The following PARP8 variants were observed in gnomAD, a reference collection of about 807,000 sequenced individuals.
PARP8 encodes the protein poly(ADP-ribose) polymerase family member 8, also known as protein mono-ADP-ribosyltransferase PARP8.
A neutral mutation model predicts 124.1 loss-of-function variants in PARP8; 51 were observed. The observed-to-expected ratio is 0.41, with a 90% CI of 0.33 to 0.52. The LOEUF is 0.52. Among genes scored for constraint, PARP8 ranks in the 20% least tolerant of loss-of-function variants. PARP8 has a pLI of 0.21. For missense variants in PARP8, 860 were observed against 1,018.9 expected, an observed-to-expected ratio of 0.84 and a Z score of 2.12; for synonymous variants, 391 against 361.5, an observed-to-expected ratio of 1.08 and a Z score of -0.93.
At chr5:50,683,764 CAG>C (rs1169793298) in intron 2 of PARP8, among the ~76,000 whole-genome samples, 3 of 151,952 alleles carry the variant, frequency 2.0e-5, no homozygotes, top group African/African-American at 7.3e-5. Flanking sequence ...TAATAGCAAA[CAG>C]AAATAAACTC....
chr5:50,845,913 A>T lies in PARP8; in HGVS notation c.*3845A>T, dbSNP rs973378223. 1 of 151,750 alleles carries T rather than the reference A, an allele frequency of 6.6e-6. No homozygotes were observed. The highest frequency in any genetic ancestry group is 1.5e-5 in the Non-Finnish European group (1 of 67,792). 9.4% of individuals were successfully genotyped at this position (151,750 alleles called of 1,614,324 possible). A position where few individuals can be genotyped will look rare whatever the true frequency, so the allele number is the denominator to read the frequency against. On this transcript the variant is annotated 3_prime_UTR_variant, in exon 26 of 26. Coordinates refer to ENST00000281631, the MANE Select transcript of PARP8 (RefSeq NM_024615.4). Reference sequence around the variant, plus strand: ...GTCCGATTATATATAGATTTGATGTATATTATTACCCAGTAAATTCTTCTT... The same window carrying T: ...GTCCGATTATATATAGATTTGATGTTTATTATTACCCAGTAAATTCTTCTT...
At chr5:50,841,318 A>C (rs56187641) in intron 25 of PARP8, among the ~76,000 whole-genome samples, 1 of 151,766 alleles carries the variant, frequency 6.6e-6, no homozygotes, top group Non-Finnish European at 1.5e-5. Context: ...AAATGTAACT[A>C]TTTCTTTTTA....
chr5:50,782,922 A>C (rs1297479507), intron 9 of PARP8, among the ~76,000 whole-genome samples: 1 of 152,210 alleles, frequency 6.6e-6, no homozygotes, highest in Non-Finnish European at 1.5e-5. Flanking sequence ...AGATGACCGC[A>C]AGAGATCACT....
rs1561342979 is a variant in PARP8 at position 50,761,810 on chromosome 5, A to C, written c.346-11A>C. The C allele has an allele frequency of 6.6e-7, 1 of 1,524,760 alleles. No homozygotes were observed. Among genetic ancestry groups the C allele is most frequent in the Admixed American group, 2.0e-5 (1 of 50,590 alleles). The allele number at this position is 1,524,760 out of a possible 1,614,324, so 94.5% of individuals were successfully genotyped here. Reference sequence around the variant, plus strand: ...GACCATTAAATTGTTTTCTTACTTTATTATTTTAAGGAATCAAGACAGAAT... The same window carrying C: ...GACCATTAAATTGTTTTCTTACTTTCTTATTTTAAGGAATCAAGACAGAAT... On this transcript the variant is annotated splice_polypyrimidine_tract_variant and intron_variant, in intron 5 of 25. Transcript: ENST00000281631.
intron 9 of PARP8, among the ~76,000 whole-genome samples, chr5:50,787,661 G>T (rs1297147720): frequency 2.0e-5 from 3 of 151,984 alleles, no homozygotes; most frequent in African/African-American, 7.2e-5. Flanking sequence ...CATCTGAAAT[G>T]ACTGGAGCGA....
intron 2 of PARP8, among the ~76,000 whole-genome samples, chr5:50,701,748 A>G (rs939575945): frequency 4.6e-5 from 7 of 152,130 alleles, no homozygotes; most frequent in African/African-American, 1.7e-4. Flanking sequence ...ATCCTACAAA[A>G]ATCTTGCTTC....
intron 2 of PARP8, among the ~76,000 whole-genome samples, chr5:50,707,159 C>A (rs921995776): frequency 7.9e-5 from 12 of 152,004 alleles, no homozygotes; most frequent in African/African-American, 2.9e-4. Flanking sequence ...AAATCAGACG[C>A]TTGTCAGACA....
intron 14 of PARP8, among the ~76,000 whole-genome samples, chr5:50,811,293 G>A (rs1199555434): frequency 6.6e-6 from 1 of 151,914 alleles, no homozygotes; most frequent in Non-Finnish European, 1.5e-5. Context: ...ACAGACCAGG[G>A]TTGGGGGGCA....
intron 15 of PARP8, among the ~76,000 whole-genome samples, chr5:50,817,392 T>A (rs1745221774): frequency 6.6e-6 from 1 of 152,198 alleles, no homozygotes; most frequent in Non-Finnish European, 1.5e-5. Context: ...GGTTCCCCAG[T>A]ATTCTGTCAT....
intron 2 of PARP8, among the ~76,000 whole-genome samples, chr5:50,713,833 G>T (rs1475173235): frequency 6.6e-6 from 1 of 152,036 alleles, no homozygotes; most frequent in African/African-American, 2.4e-5. Flanking sequence ...TCAGAGATCT[G>T]AAGATGCTCT....
intron 2 of PARP8, among the ~76,000 whole-genome samples, chr5:50,694,916 A>G (rs1347064581): frequency 6.6e-6 from 1 of 152,124 alleles, no homozygotes; most frequent in Non-Finnish European, 1.5e-5. Flanking sequence ...TCGGAGTGTA[A>G]TGTTCTAGTC....
intron 25 of PARP8, among the ~76,000 whole-genome samples, chr5:50,836,980 A>C (rs1229089537): frequency 3.9e-5 from 6 of 152,054 alleles, no homozygotes; most frequent in Non-Finnish European, 8.8e-5. Flanking sequence ...ACAACCTTAG[A>C]TATTTAAATA....
intron 2 of PARP8, among the ~76,000 whole-genome samples, chr5:50,698,172 G>A (rs1385657747): frequency 6.6e-6 from 1 of 152,196 alleles, no homozygotes; most frequent in African/African-American, 2.4e-5. Flanking sequence ...GAATACACGA[G>A]TTAATAAATG....
At chr5:50,781,962 A>T (rs1740722326) in intron 9 of PARP8, among the ~76,000 whole-genome samples, 1 of 152,020 alleles carries the variant, frequency 6.6e-6, no homozygotes, top group African/African-American at 2.4e-5. Flanking sequence ...CGAATACATT[A>T]TTTGCCCCTT....
chr5:50,815,362 T>A, intron 14 of PARP8, 70 bp from the exon 15 acceptor site: 2 of 1,065,954 alleles, frequency 1.9e-6, no homozygotes, highest in Non-Finnish European at 2.7e-6. Flanking sequence ...TTATGTGAAA[T>A]GTTGTGAATT....
chr5:50,761,837 G>A lies in PARP8; in HGVS notation c.362G>A (p.Ser121Asn). The A allele has an allele frequency of 1.9e-6, 3 of 1,597,606 alleles. No individual in the cohort carries two copies. Among genetic ancestry groups the A allele is most frequent in the Non-Finnish European group, 1.7e-6 (2 of 1,168,828 alleles). ...TATTTTAAGGAATCAAGACAGAATA[G>A]TACAGTGGAGGAAGATTCTGAAGGT... ...KENGEESRQN[S>N]TVEEDSEGDN... The change falls in exon 6 of 26, where the codon AGT (serine) becomes AAT (asparagine). Residue 121 changes from serine (S) to asparagine (N), a missense_variant. This residue lies in a region of PARP8 where 517 missense variants were observed against 544.2 expected (regional missense o/e 0.95). Coordinates refer to ENST00000281631, the MANE Select transcript of PARP8 (RefSeq NM_024615.4).
At position 50,666,923 on chromosome 5, in the gene PARP8, C is replaced by CCA; in HGVS notation, c.-173_-172insCA. 7.8e-7 allele frequency: 1 copy of CCA among 1,288,486 alleles called. No homozygotes were observed. The highest frequency in any genetic ancestry group is 1.6e-5 in the South Asian group (1 of 64,226). 79.8% of individuals were successfully genotyped at this position (1,288,486 alleles called of 1,614,324 possible). A position where few individuals can be genotyped will look rare whatever the true frequency, so the allele number is the denominator to read the frequency against. On this transcript the variant is annotated 5_prime_UTR_variant, in exon 1 of 26. It removes the in-frame stop codon of an upstream open reading frame in the 5' UTR. Transcript: ENST00000281631. ...CCTCCCCCTCCTCCTCCTCCTCCCC[C>CCA]TCCTCCTCCTCCTCTTCTCTCACCC... is the stretch of plus-strand genomic sequence containing the variant.
At chr5:50,824,219 A>C (rs71615988) in intron 17 of PARP8, among the ~76,000 whole-genome samples, 7,558 of 152,296 alleles carry the variant, frequency 0.05, 263 homozygotes, top group Middle Eastern at 0.11. Context: ...TATGAGCATT[A>C]GTAGTGGCCC....
intron 2 of PARP8, among the ~76,000 whole-genome samples, chr5:50,678,944 CT>C (rs902348927): frequency 6.6e-6 from 1 of 152,124 alleles, no homozygotes; most frequent in African/African-American, 2.4e-5. Context: ...AAAAAATGCC[CT>C]TTTGTAGGGT....
Sources: gnomAD v4.1 joint callset for allele counts (sites outside exome capture counted in the v4.1 genomes callset) on GRCh38, gnomAD v4.1.1 for gene constraint, gnomAD v4.1.1 regional missense constraint, MANE v1.5 for transcripts, NCBI Gene and HGNC (gene_info 2026-07-23, HGNC 2026-07-21) for gene names.